The following SPTAN1 variants were observed in gnomAD, a reference collection of about 807,000 sequenced individuals.
SPTAN1 encodes the protein spectrin alpha chain, non-erythrocytic 1.
SPTAN1 carries 61 observed loss-of-function variants against 331.3 expected under a neutral mutation model. The observed-to-expected ratio is 0.18, with a 90% CI of 0.15 to 0.23. SPTAN1 has a LOEUF of 0.23. SPTAN1 is among the 10% of genes least tolerant of loss of function. SPTAN1 has a pLI of 1.00. For missense variants in SPTAN1, 2,043 were observed against 3,147.9 expected (o/e 0.65, Z 8.40); for synonymous variants, 1,153 against 1,173.9 (o/e 0.98, Z 0.36).
intron 45 of SPTAN1, chr9:128,622,185 T>A (rs975335767): frequency 6.6e-6 from 1 of 152,006 alleles, no homozygotes; most frequent in Non-Finnish European, 1.5e-5. Flanking sequence ...TAGACGTGGC[T>A]CCTGCACACT....
chr9:128,630,692 T>C, intron 52 of SPTAN1: 1 of 325,552 alleles, frequency 3.1e-6, no homozygotes, highest in Non-Finnish European at 5.9e-6. Flanking sequence ...CACATTTGGC[T>C]AATTTTTGTT....
chr9:128,599,892 G>A, intron 26 of SPTAN1, 188 bp from the exon 27 acceptor site: 1 of 637,062 alleles, frequency 1.6e-6, no homozygotes, highest in South Asian at 1.9e-5. Context: ...CTGTTTGTTG[G>A]CTTAATTTTT....
At chr9:128,609,783 CT>C in intron 37 of SPTAN1, 118 bp downstream of exon 37, 1 of 651,714 alleles carries the variant, frequency 1.5e-6, no homozygotes, top group Non-Finnish European at 2.5e-6. Flanking sequence ...TTCATCCATC[CT>C]TTTCATTTCT....
In SPTAN1 at chr9:128,566,924, G is replaced by C; in HGVS notation, c.184G>C (p.Glu62Gln). The C allele has an allele frequency of 6.2e-7, 1 of 1,614,148 alleles. No homozygotes were observed. Among genetic ancestry groups the C allele is most frequent in the Non-Finnish European group, 8.5e-7 (1 of 1,180,030 alleles). The change falls in exon 2 of 57, where the codon GAA becomes CAA. Residue 62 changes from glutamate (E) to glutamine (Q), a missense_variant. By Grantham distance (29) the Glu-to-Gln change is conservative. This residue lies in a region of SPTAN1 where 1,038 missense variants were observed against 1,531.5 expected (regional missense o/e 0.68). Transcript: ENST00000372739. The stretch of plus-strand genomic sequence containing the variant: ...TGAAGAGCTGGAGAAATGGATACAG[G>C]AAAAACTTCAGATTGCATCTGATGA... ...DAEELEKWIQ[E>Q]KLQIASDENY...
At position 128,577,195 on chromosome 9, in the gene SPTAN1, C is replaced by T. The variant is rs1454898745; in HGVS notation, c.852C>T (p.Gly284=). Residue 284 remains glycine, a synonymous_variant, in exon 7 of 57, where the codon GGC becomes GGT. Transcript: ENST00000372739. This position sits in a 1 kb window ranked among gnomAD's most constrained non-coding sequence, Gnocchi z 4.2. ...KEQLMASDDF[G]RDLASVQALL... The stretch of plus-strand genomic sequence containing the variant: ...AGTTAATGGCCTCTGATGATTTTGG[C>T]CGAGACCTGGCAAGTGTTCAGGCTC... 27 of 1,614,176 alleles carry T rather than the reference C, an allele frequency of 1.7e-5. No homozygotes were observed. Among genetic ancestry groups the T allele is most frequent in the Non-Finnish European group, 2.3e-5 (27 of 1,180,038 alleles).
chr9:128,569,632 C>T (rs1196959350), intron 3 of SPTAN1, among the ~76,000 whole-genome samples: 1 of 152,078 alleles, frequency 6.6e-6, no homozygotes, highest in East Asian at 1.9e-4. Flanking sequence ...GCTGTGTGTT[C>T]TCTTTGGTTC....
chr9:128,605,772 AC>A (rs1855756307), intron 31 of SPTAN1, among the ~76,000 whole-genome samples: 1 of 152,120 alleles, frequency 6.6e-6, no homozygotes, highest in Non-Finnish European at 1.5e-5. Flanking sequence ...CGGGCAGATC[AC>A]CTGAGGTCAA....
chr9:128,582,609 C>T (rs1420448620), intron 13 of SPTAN1, 53 bp downstream of exon 13: 17 of 1,610,962 alleles, frequency 1.1e-5, no homozygotes, highest in Non-Finnish European at 1.4e-5. Context: ...AATGTCTCTT[C>T]TAAGATGTTC....
rs768299032 is a variant in SPTAN1, at chr9:128,627,800, C to T, written c.6690-125C>T. ...GGTGACAGACGATGCAGGGTCTGTG[C>T]GTTGGGTACTGATGTTCTTGCTTTT... On this transcript the variant is annotated intron_variant, in intron 50 of 56. Coordinates refer to ENST00000372739, the MANE Select transcript of SPTAN1 (RefSeq NM_001130438.3). This position sits in a 1 kb window ranked among gnomAD's most constrained non-coding sequence, Gnocchi z 4.9. The T allele has an allele frequency of 4.4e-5, 54 of 1,223,326 alleles. No homozygotes were observed. Among genetic ancestry groups the T allele is most frequent in the African/African-American group, 8.9e-5 (6 of 67,220 alleles). The allele number at this position is 1,223,326 out of a possible 1,614,324, so 75.8% of individuals were successfully genotyped here.
chr9:128,577,539 C>A lies in SPTAN1; in HGVS notation c.1085+33C>A. Reference sequence around the variant, plus strand: ...TAATGCTCCAGGTCTTAACCAGTATCATTTGGCTTCTTTTTTGGAAGCAGG... The same window carrying A: ...TAATGCTCCAGGTCTTAACCAGTATAATTTGGCTTCTTTTTTGGAAGCAGG... On this transcript the variant is annotated intron_variant, in intron 8 of 56. Coordinates refer to ENST00000372739, the MANE Select transcript of SPTAN1 (RefSeq NM_001130438.3). The surrounding 1 kb of genome is among the most constrained non-coding windows in gnomAD (Gnocchi z 4.2). The A allele has an allele frequency of 6.2e-7, 1 of 1,612,252 alleles. No homozygotes were observed. Among genetic ancestry groups the A allele is most frequent in the South Asian group, 1.1e-5 (1 of 90,990 alleles).
intron 1 of SPTAN1, among the ~76,000 whole-genome samples, chr9:128,562,380 C>T (rs980732381): frequency 7.3e-5 from 11 of 151,478 alleles, no homozygotes; most frequent in South Asian, 2.1e-4. Context: ...GGATTACAGG[C>T]GTGAGCCACC....
intron 1 of SPTAN1, among the ~76,000 whole-genome samples, chr9:128,561,662 C>CAAAAAAAAAAAAAAAAAAAAAAAAAAA (rs762156669): frequency 1.3e-4 from 2 of 15,984 alleles, no homozygotes; most frequent in Non-Finnish European, 2.6e-4. Context: ...GACTCCGTCT[C>CAAAAAAAAAAAAAAAAAAAAAAAAAAA]AAAAAAAAAA....
intron 1 of SPTAN1, among the ~76,000 whole-genome samples, chr9:128,562,994 A>ATGTG (rs1849583192): frequency 1.8e-3 from 2 of 1,134 alleles, no homozygotes; most frequent in Non-Finnish European, 0.021. Context: ...ATGTATGTGT[A>ATGTG]TATATATATA....
Position 128,632,626 on chromosome 9 carries a change from C to T in SPTAN1, c.7068C>T (p.Cys2356=), listed in dbSNP as rs538402865. Residue 2356 remains cysteine, a synonymous_variant, in exon 55 of 57, where the codon TGC becomes TGT. Transcript: ENST00000372739. ...GRLNHQEFKS[C]LRSLGYDLPM... ...TGAACCATCAGGAGTTCAAATCTTG[C>T]CTGCGCTCCCTGGGCTATGACCTGC... is the stretch of plus-strand genomic sequence containing the variant. 12 of 1,614,054 alleles carry T rather than the reference C, an allele frequency of 7.4e-6. No homozygotes were observed. The Admixed American group carries it at 1.7e-4, about 22-fold the overall frequency.
intron 1 of SPTAN1, among the ~76,000 whole-genome samples, chr9:128,565,974 A>G (rs1159618606): frequency 6.6e-6 from 1 of 152,152 alleles, no homozygotes; most frequent in Non-Finnish European, 1.5e-5. Context: ...GTGAGGTCAC[A>G]TGTTGCTGAC....
Position 128,611,705 on chromosome 9 carries a change from T to C in SPTAN1, c.4774-9T>C. ...ACTGGTTTGGAAAAAATTTTTTTGGTATTTTTAGAGCAAGCACCAGAAGCA... is the reference window on the plus strand; with the variant it reads ...ACTGGTTTGGAAAAAATTTTTTTGGCATTTTTAGAGCAAGCACCAGAAGCA... On this transcript the variant is annotated splice_polypyrimidine_tract_variant and intron_variant, in intron 37 of 56. Coordinates refer to ENST00000372739, the MANE Select transcript of SPTAN1 (RefSeq NM_001130438.3). 5 of 1,613,876 alleles carry C rather than the reference T, an allele frequency of 3.1e-6. No homozygotes were observed. Among genetic ancestry groups the C allele is most frequent in the Non-Finnish European group, 4.2e-6 (5 of 1,180,010 alleles).
At chr9:128,582,117 A>G (rs1336172755) in intron 12 of SPTAN1, among the ~76,000 whole-genome samples, 1 of 152,206 alleles carries the variant, frequency 6.6e-6, no homozygotes, top group Non-Finnish European at 1.5e-5. Flanking sequence ...TTAAGTTTGT[A>G]CCCTTCATTA....
At chr9:128,561,737 A>T (rs1042583413) in intron 1 of SPTAN1, among the ~76,000 whole-genome samples, 1 of 148,960 alleles carries the variant, frequency 6.7e-6, no homozygotes, top group Admixed American at 6.8e-5. Context: ...CACTGTGTCT[A>T]TTGTGCCATA....
At chr9:128,610,349 C>T (rs1856426464) in intron 37 of SPTAN1, among the ~76,000 whole-genome samples, 1 of 152,164 alleles carries the variant, frequency 6.6e-6, no homozygotes. Context: ...GAACAAGGAA[C>T]AGAAGAAGAG....
Sources: allele counts gnomAD v4.1 joint callset (sites outside exome capture counted in the v4.1 genomes callset), GRCh38; gene constraint gnomAD v4.1.1; regional missense constraint gnomAD v4.1.1; non-coding constraint Gnocchi (gnomAD v3.1); transcripts MANE v1.5; gene names NCBI Gene and HGNC (gene_info 2026-07-23, HGNC 2026-07-21).